Variants in DOCK2 observed in about 807,000 individuals in gnomAD.
DOCK2 encodes dedicator of cytokinesis 2, also known as dedicator of cytokinesis protein 2.
In DOCK2, 87 loss-of-function variants were observed where a neutral mutation model predicts 248.9. That is an observed-to-expected ratio of 0.35 (90% CI 0.29 to 0.42). The LOEUF is 0.42. DOCK2 is among the 10% of genes least tolerant of loss of function. The pLI, the probability that DOCK2 is intolerant of heterozygous loss-of-function variation, is 1.00. For synonymous variants in DOCK2, 805 were observed against 821.6 expected, an observed-to-expected ratio of 0.98 and a Z score of 0.35; for missense variants, 1,747 against 2,300.2, an observed-to-expected ratio of 0.76 and a Z score of 4.92.
At chr5:169,754,626 G>A (rs1764092099) in intron 23 of DOCK2, among the ~76,000 whole-genome samples, 1 of 152,126 alleles carries the variant, frequency 6.6e-6, no homozygotes, top group African/African-American at 2.4e-5. Flanking sequence ...TCTCGCCCCT[G>A]CTGAATCCTC....
intron 44 of DOCK2, among the ~76,000 whole-genome samples, chr5:170,062,100 A>AGTGTGTGTGTGT (rs148650076): frequency 2.8e-5 from 4 of 144,434 alleles, no homozygotes; most frequent in African/African-American, 1.0e-4. Context: ...TATGTATATG[A>AGTGTGTGTGTGT]GTGTGTGTGT....
intron 26 of DOCK2, among the ~76,000 whole-genome samples, chr5:169,829,472 C>G (rs1180208100): frequency 6.6e-5 from 10 of 152,118 alleles, no homozygotes; most frequent in Non-Finnish European, 1.0e-4. Context: ...TTGCAAATAG[C>G]TCATGTACCC....
At chr5:170,017,272 A>C (rs1755567662) in intron 32 of DOCK2, among the ~76,000 whole-genome samples, 1 of 152,142 alleles carries the variant, frequency 6.6e-6, no homozygotes, top group East Asian at 1.9e-4. Context: ...CCCCAGGCGA[A>C]GACCACAAAT....
intron 38 of DOCK2, among the ~76,000 whole-genome samples, chr5:170,045,099 A>ATT (rs929528619): frequency 1.3e-5 from 2 of 151,538 alleles, no homozygotes; most frequent in Non-Finnish European, 2.9e-5. Context: ...AAAAGTCTTA[A>ATT]TTTTTTTTTA....
Position 169,689,184 on chromosome 5 carries a change from G to A in DOCK2, c.762-68G>A. 4 of 1,505,626 alleles carry A rather than the reference G, an allele frequency of 2.7e-6. No homozygotes were observed. In the South Asian group the frequency reaches 3.4e-5, roughly 13 times the overall value. The allele number at this position is 1,505,626 out of a possible 1,614,324, so 93.3% of individuals were successfully genotyped here. The stretch of plus-strand genomic sequence containing the variant: ...GTGTTGGGCACATAGTAGATGCTTG[G>A]TGAATGTTTTGACTAAATGGATGTC... On this transcript the variant is annotated intron_variant, in intron 8 of 51. Coordinates refer to ENST00000520908, the MANE Select transcript of DOCK2 (RefSeq NM_004946.3).
intron 26 of DOCK2, among the ~76,000 whole-genome samples, chr5:169,806,211 C>A (rs1163663350): frequency 2.1e-5 from 3 of 145,464 alleles, no homozygotes; most frequent in Non-Finnish European, 4.5e-5. Context: ...AGTCATATCA[C>A]CTCGAGAGTT....
intron 27 of DOCK2, among the ~76,000 whole-genome samples, chr5:169,956,360 T>C (rs1776866368): frequency 1.3e-5 from 2 of 152,322 alleles, no homozygotes; most frequent in South Asian, 2.1e-4. Flanking sequence ...TACTACTAAC[T>C]TAAGAGGCTG....
In DOCK2 at chr5:169,883,668, G is replaced by A. The variant is rs375183051; in HGVS notation, c.2799+42816G>A. ...ACCTGGGGAAGGAGAGCGAGTAGGT[G>A]GGGGGAAGATGGTGCCTGGTTGCTT... On this transcript the variant is annotated intron_variant, in intron 27 of 51. Coordinates refer to ENST00000520908, the MANE Select transcript of DOCK2 (RefSeq NM_004946.3). 178 of 1,550,872 alleles carry A rather than the reference G, an allele frequency of 1.1e-4. 1 individual carries two copies. The African/African-American group carries it at 1.7e-3, about 15-fold the overall frequency.
At chr5:169,955,614 G>A (rs771988025) in intron 27 of DOCK2, among the ~76,000 whole-genome samples, 7 of 152,174 alleles carry the variant, frequency 4.6e-5, no homozygotes, top group Non-Finnish European at 5.9e-5. Flanking sequence ...AGGTTCTGAG[G>A]ACCGTGTATG....
chr5:170,080,084 T>C, intron 49 of DOCK2, 79 bp from the exon 50 acceptor site: 3 of 1,588,430 alleles, frequency 1.9e-6, no homozygotes, highest in Non-Finnish European at 1.7e-6. Flanking sequence ...TCCTCACTGA[T>C]CTTTCAGAGA....
chr5:169,903,425 T>C (rs1353323808), intron 27 of DOCK2, among the ~76,000 whole-genome samples: 3 of 148,616 alleles, frequency 2.0e-5, no homozygotes, highest in Non-Finnish European at 4.4e-5. Flanking sequence ...ATCCCTGATA[T>C]GTTTCTGTGG....
chr5:170,040,034 A>G (rs1008120451), intron 36 of DOCK2, among the ~76,000 whole-genome samples: 1 of 152,232 alleles, frequency 6.6e-6, no homozygotes, highest in African/African-American at 2.4e-5. Context: ...ATAATAGGTA[A>G]TAACTGTCAC....
chr5:169,848,091 G>A (rs1037113671), intron 27 of DOCK2, among the ~76,000 whole-genome samples: 2 of 152,108 alleles, frequency 1.3e-5, no homozygotes, highest in African/African-American at 4.8e-5. Flanking sequence ...ATGATTTTAT[G>A]TGCCCATAAG....
At chr5:169,638,664 A>G (rs1240105513) in intron 1 of DOCK2, among the ~76,000 whole-genome samples, 1 of 152,216 alleles carries the variant, frequency 6.6e-6, no homozygotes, top group African/African-American at 2.4e-5. Flanking sequence ...ACCAAGAGAC[A>G]CCAGCACCAA....
intron 25 of DOCK2, among the ~76,000 whole-genome samples, chr5:169,785,925 A>G (rs1006135699): frequency 5.3e-5 from 8 of 152,208 alleles, no homozygotes; most frequent in African/African-American, 1.9e-4. Flanking sequence ...ATGGGCAGTT[A>G]GAGTCAAACG....
intron 26 of DOCK2, among the ~76,000 whole-genome samples, chr5:169,825,196 G>T (rs1361994226): frequency 1.3e-5 from 2 of 152,182 alleles, no homozygotes; most frequent in Non-Finnish European, 2.9e-5. Context: ...TTCAACCATT[G>T]TGGAAGACAT....
chr5:169,649,758 T>C (rs191237070), intron 1 of DOCK2, among the ~76,000 whole-genome samples: 2 of 152,342 alleles, frequency 1.3e-5, no homozygotes, highest in African/African-American at 2.4e-5. Context: ...TTGAGGTTAC[T>C]ATGAAGATTA....
At chr5:169,671,804 G>A (rs900802232) in intron 5 of DOCK2, among the ~76,000 whole-genome samples, 2 of 152,158 alleles carry the variant, frequency 1.3e-5, no homozygotes, top group African/African-American at 2.4e-5. Flanking sequence ...ACCTGCTGGT[G>A]TATGCACAGG....
chr5:169,839,766 C>A (rs1008727491), intron 26 of DOCK2, among the ~76,000 whole-genome samples: 3 of 152,092 alleles, frequency 2.0e-5, no homozygotes, highest in Non-Finnish European at 4.4e-5. Context: ...CATTATGTAA[C>A]CCTAGTTTCC....
Sources: gnomAD v4.1 joint callset for allele counts (sites outside exome capture counted in the v4.1 genomes callset) on GRCh38, gnomAD v4.1.1 for gene constraint, MANE v1.5 for transcripts, NCBI Gene and HGNC (gene_info 2026-07-23, HGNC 2026-07-21) for gene names.